Variants in KIRREL2 observed in about 807,000 individuals in gnomAD.
KIRREL2 encodes the protein kin of IRRE-like protein 2.
KIRREL2 carries 56 observed loss-of-function variants against 73.4 expected under a neutral mutation model. The ratio of observed to expected loss-of-function variants is 0.76; its 90% CI spans 0.62 to 0.95. KIRREL2 has a LOEUF of 0.95. Ranked by LOEUF, KIRREL2 falls within the 40% of genes least tolerant of loss-of-function variation. The pLI, the probability that KIRREL2 is intolerant of heterozygous loss-of-function variation, is 0.00. For missense variants in KIRREL2, 896 were observed against 935.0 expected (o/e 0.96, Z 0.54); for synonymous variants, 407 against 404.0 (o/e 1.01, Z -0.09).
At chr19:35,855,391 C>T (rs945900761), upstream of KIRREL2, among the ~76,000 whole-genome samples, 3 of 152,024 alleles carry the variant, frequency 2.0e-5, no homozygotes, top group Non-Finnish European at 4.4e-5. Flanking sequence ...TCCGTAGCCC[C>T]AGAGAGCCAG....
rs387489 is a variant in KIRREL2 at position 35,861,685 on chromosome 19, C to T, written c.1290+44C>T. The T allele has an allele frequency of 3.1e-3, 4,885 of 1,598,260 alleles. 136 individuals are homozygous for T. In the African/African-American group the frequency reaches 0.059, roughly 19 times the overall value. ...TCCCGTGACCCATCCAGCCGTGATC[C>T]CTGACCTCCCACCTGGCCCCCCGAA... On this transcript the variant is annotated intron_variant, in intron 10 of 14. Transcript: ENST00000360202.
chr19:35,854,379 T>C (rs75000695), upstream of KIRREL2, among the ~76,000 whole-genome samples: 13,305 of 151,906 alleles, frequency 0.088, 1,135 homozygotes, highest in African/African-American at 0.23. Context: ...TGGAGTGTAA[T>C]AGTGTGATCT....
At chr19:35,853,517 C>A (rs576639885), upstream of KIRREL2, among the ~76,000 whole-genome samples, 1 of 152,164 alleles carries the variant, frequency 6.6e-6, no homozygotes, top group African/African-American at 2.4e-5. Flanking sequence ...ATCTTTCTTT[C>A]TTTTGAGATG....
In KIRREL2 at chr19:35,858,431, G is replaced by A. The variant is rs75233655; in HGVS notation, c.235G>A (p.Gly79Arg). ...AGGGTGGTCCCGGTACTGGATATCAGGGAATGCAGCCAATGGCCAGCATGA... is the reference window on the plus strand; with the variant it reads ...AGGGTGGTCCCGGTACTGGATATCAAGGAATGCAGCCAATGGCCAGCATGA... ...LPGWSRYWIS[G>R]NAANGQHDLH... Residue 79 changes from glycine to arginine, a missense_variant, in exon 3 of 15, where the codon GGG becomes AGG. By Grantham distance (125) the Gly-to-Arg change is moderately radical (BLOSUM62 -2). Transcript: ENST00000360202. 1.1e-3 allele frequency: 1,808 copies of A among 1,614,126 alleles called. 27 individuals are homozygous for A. The East Asian group carries it at 0.037, about 33-fold the overall frequency.
intron 14 of KIRREL2, among the ~76,000 whole-genome samples, chr19:35,865,173 C>CTT (rs35569940): frequency 0.83 from 86,988 of 105,208 alleles, 37,756 homozygotes; most frequent in South Asian, 0.94. Flanking sequence ...TCTCTCTCTT[C>CTT]TTTTTTTTTT....
chr19:35,866,108 TC>T, intron 14 of KIRREL2, 48 bp from the exon 15 acceptor site: 3 of 1,561,532 alleles, frequency 1.9e-6, no homozygotes, highest in Non-Finnish European at 1.7e-6. Flanking sequence ...GTGACCCTCA[TC>T]CCCCCTGCAC....
Position 35,857,273 on chromosome 19 carries a change from G to A in KIRREL2, c.62-72G>A. The A allele has an allele frequency of 2.5e-6, 4 of 1,607,170 alleles. No homozygotes were observed. The South Asian group carries it at 4.4e-5, about 18-fold the overall frequency. The stretch of plus-strand genomic sequence containing the variant: ...CTAGCGAGAAGGGAGCTGGGGGCTG[G>A]GACTCCTGGGTCCTGAATGAGGAGG... On this transcript the variant is annotated intron_variant, in intron 1 of 14. Transcript: ENST00000360202.
At chr19:35,862,151 C>A in intron 11 of KIRREL2, 127 bp downstream of exon 11, 1 of 760,064 alleles carries the variant, frequency 1.3e-6, no homozygotes, top group Non-Finnish European at 2.1e-6. Flanking sequence ...CCTCGGGAGT[C>A]TCAAAACTGT....
upstream of KIRREL2, among the ~76,000 whole-genome samples, chr19:35,853,837 ATTTT>A (rs759219505): frequency 2.6e-4 from 18 of 69,436 alleles, no homozygotes; most frequent in African/African-American, 1.1e-3. Flanking sequence ...CACTCTGGCT[ATTTT>A]TTTTTTTTTT....
intron 13 of KIRREL2, 138 bp downstream of exon 13, chr19:35,863,174 G>A: frequency 1.7e-6 from 1 of 596,768 alleles, no homozygotes; most frequent in Non-Finnish European, 3.0e-6. Flanking sequence ...TTTGGGAGGT[G>A]GAGACACAAG....
chr19:35,859,534 C>A lies in KIRREL2; in HGVS notation c.576C>A (p.Thr192=). 6.2e-7 allele frequency: 1 copy of A among 1,614,148 alleles called. No individual in the cohort carries two copies. Among genetic ancestry groups the A allele is most frequent in the Non-Finnish European group, 8.5e-7 (1 of 1,180,012 alleles). ...PGSVESTLTL[T]PFSHDDGATF... ...CAGTGGAGAGCACCTTAACCCTGAC[C>A]CCTTTCAGCCATGATGATGGAGCCA... The change falls in exon 5 of 15, where the codon ACC becomes ACA. Residue 192 remains threonine, a synonymous_variant. Coordinates refer to ENST00000360202, the MANE Select transcript of KIRREL2 (RefSeq NM_199180.4).
chr19:35,857,223 G>GGGGGGGGGGGGC, intron 1 of KIRREL2, 43 bp downstream of exon 1: 1 of 1,496,060 alleles, frequency 6.7e-7, no homozygotes, highest in Non-Finnish European at 9.3e-7. Flanking sequence ...TGGGGGTGGG[G>GGGGGGGGGGGGC]AGTTGCTTGC....
At chr19:35,853,096 C>A (rs370900692), upstream of KIRREL2, among the ~76,000 whole-genome samples, 1 of 149,370 alleles carries the variant, frequency 6.7e-6, no homozygotes, top group Non-Finnish European at 1.5e-5. Context: ...CACCTGGCCT[C>A]CCTTCCTTTT....
At chr19:35,864,064 C>A (rs1240116877) in intron 13 of KIRREL2, among the ~76,000 whole-genome samples, 1 of 152,008 alleles carries the variant, frequency 6.6e-6, no homozygotes, top group Non-Finnish European at 1.5e-5. Context: ...CGTGAGCCAC[C>A]GCGCCCGGCC....
intron 2 of KIRREL2, 71 bp from the exon 3 acceptor site, chr19:35,858,337 G>A: frequency 6.4e-7 from 1 of 1,555,758 alleles, no homozygotes; most frequent in South Asian, 1.2e-5. Context: ...GGTGGAGGAT[G>A]TCTGGGGATG....
At position 35,857,168 on chromosome 19, in the gene KIRREL2, A is replaced by G. The variant is rs1973455560; in HGVS notation, c.49A>G (p.Arg17Gly). 2.0e-6 allele frequency: 3 copies of G among 1,536,908 alleles called. No individual in the cohort carries two copies. The South Asian group carries it at 3.4e-5, about 17-fold the overall frequency. Residue 17 changes from arginine to glycine, a missense_variant, in exon 1 of 15, where the codon AGA becomes GGA. By Grantham distance (125) the Arg-to-Gly change is moderately radical (BLOSUM62 -2). Transcript: ENST00000360202. The part of the protein sequence containing the change: ...PALLVLLFCF[R>G]GRAGPSPHFL... The stretch of plus-strand genomic sequence containing the variant: ...CCTCCTCGTCCTCCTCTTCTGCTTC[A>G]GAGGGAGAGCAGGTACCGCACGAGG...
At chr19:35,855,924 C>G (rs1247068175), upstream of KIRREL2, 4 of 152,206 alleles carry the variant, frequency 2.6e-5, no homozygotes, top group African/African-American at 9.7e-5. Flanking sequence ...CCATCAGCGT[C>G]TCAGCCAGCA....
In KIRREL2 at chr19:35,861,249, T is replaced by A; in HGVS notation, c.1184T>A (p.Val395Glu). 3 of 1,529,762 alleles carry A rather than the reference T, an allele frequency of 2.0e-6. No individual in the cohort carries two copies. Among genetic ancestry groups the A allele is most frequent in the Non-Finnish European group, 2.6e-6 (3 of 1,148,870 alleles). 94.8% of individuals were successfully genotyped at this position (1,529,762 alleles called of 1,614,324 possible). Residue 395 changes from valine (V) to glutamate (E), a missense_variant, in exon 9 of 15, where the codon GTG becomes GAG. Val to Glu is a moderately radical substitution (Grantham distance 121, BLOSUM62 -2). Transcript: ENST00000360202. ...GGCGCCGCGGAGGCTCGGCTGACTG[T>A]GAACGGTGAGAAGGCGGGGCTTCCT... ...RGGAAEARLT[V>E]NAPPVVTALH...
chr19:35,861,971 G>A lies in KIRREL2; in HGVS notation c.1457G>A (p.Ser486Asn), dbSNP rs201176883. Residue 486 changes from serine to asparagine, a missense_variant, in exon 11 of 15, where the codon AGT becomes AAT. Transcript: ENST00000360202. ...GACTTTAGCAGGAGCTTTAACTGCA[G>A]TGCCCGGAACCGGCTGGGCGAGGGA... is the stretch of plus-strand genomic sequence containing the variant. ...ESDFSRSFNC[S>N]ARNRLGEGGA... 6.2e-7 allele frequency: 1 copy of A among 1,613,286 alleles called. No homozygotes were observed. Among genetic ancestry groups the A allele is most frequent in the Non-Finnish European group, 8.5e-7 (1 of 1,179,758 alleles).
Sources: allele counts gnomAD v4.1 joint callset (sites outside exome capture counted in the v4.1 genomes callset), GRCh38; gene constraint gnomAD v4.1.1; transcripts MANE v1.5; gene names NCBI Gene and HGNC (gene_info 2026-07-23, HGNC 2026-07-21).